The following RYR2 variants were observed in gnomAD, a reference collection of about 807,000 sequenced individuals.
RYR2 encodes the protein cardiac muscle ryanodine receptor-calcium release channel.
RYR2 carries 227 observed loss-of-function variants against 601.1 expected under a neutral mutation model. That is an observed-to-expected ratio of 0.38 (90% CI 0.34 to 0.42). The LOEUF (loss-of-function observed/expected upper bound fraction) is 0.42. Among genes scored for constraint, RYR2 ranks in the 10% least tolerant of loss-of-function variants. The pLI is 1.00. For missense variants in RYR2, 4,646 were observed against 6,156.5 expected, an observed-to-expected ratio of 0.75 and a Z score of 8.21; for synonymous variants, 2,223 against 2,175.1, an observed-to-expected ratio of 1.02 and a Z score of -0.61.
At chr1:237,216,315 T>C (rs915133210) in intron 1 of RYR2, among the ~76,000 whole-genome samples, 4 of 152,216 alleles carry the variant, frequency 2.6e-5, no homozygotes, top group African/African-American at 9.6e-5. Flanking sequence ...CCCTTGAATA[T>C]TGAGTTTGAA....
chr1:237,807,169 A>C (rs906760756), intron 99 of RYR2, among the ~76,000 whole-genome samples: 2 of 152,166 alleles, frequency 1.3e-5, no homozygotes, highest in Non-Finnish European at 2.9e-5. Flanking sequence ...CGTGCACGGC[A>C]AGTCATGGGT....
intron 1 of RYR2, among the ~76,000 whole-genome samples, chr1:237,099,132 TATCAGCATACATATAACATTTAAGTTAA>T (rs1667805014): frequency 3.3e-5 from 5 of 151,566 alleles, no homozygotes; most frequent in African/African-American, 1.2e-4. Context: ...GGAAATTCAA[TATCAGCATACATATAACATTTAAGTTAA>T]TTCAGCCCAG....
At chr1:237,794,068 C>T in intron 95 of RYR2, 71 bp downstream of exon 95, 1 of 1,378,356 alleles carries the variant, frequency 7.3e-7, no homozygotes, top group Non-Finnish European at 1.0e-6. Flanking sequence ...GTTGGAGTTC[C>T]TGCAGATTTG....
chr1:237,545,198 A>AT (rs1474089144), intron 25 of RYR2, among the ~76,000 whole-genome samples: 1 of 152,260 alleles, frequency 6.6e-6, no homozygotes, highest in African/African-American at 2.4e-5. Context: ...TCTAGAAGAA[A>AT]TCTGTATGGG....
intron 1 of RYR2, among the ~76,000 whole-genome samples, chr1:237,110,157 ACTTGAGTGTGCATCTGAATCCC>A (rs1669293929): frequency 6.6e-6 from 1 of 151,882 alleles, no homozygotes; most frequent in African/African-American, 2.4e-5. Context: ...AAGTTCTTAA[ACTTGAGTGTGCATCTGAATCCC>A]CTGGAAAGCT....
chr1:237,568,526 T>C lies in RYR2; in HGVS notation c.3424-619T>C, dbSNP rs191260877. Among the ~76,000 whole-genome samples, 8 of 152,364 alleles carry C rather than the reference T, an allele frequency of 5.3e-5. No homozygotes were observed. The East Asian group carries it at 1.5e-3, about 29-fold the overall frequency. On this transcript the variant is annotated intron_variant, in intron 28 of 104. Coordinates refer to ENST00000366574, the MANE Select transcript of RYR2 (RefSeq NM_001035.3). ...ATATATAAAAAGGTTGGCATCTATA[T>C]TCAATTTTTGGCTTGTTACTTCAGC...
At position 237,571,730 on chromosome 1, in the gene RYR2, C is replaced by A. The variant is rs538334577; in HGVS notation, c.3598+2411C>A. Among the ~76,000 whole-genome samples, 13 of 152,306 alleles carry A rather than the reference C, an allele frequency of 8.5e-5. No individual in the cohort carries two copies. The South Asian group carries it at 2.7e-3, about 32-fold the overall frequency. On this transcript the variant is annotated intron_variant, in intron 29 of 104. Coordinates refer to ENST00000366574, the MANE Select transcript of RYR2 (RefSeq NM_001035.3). The stretch of plus-strand genomic sequence containing the variant: ...CTAGCTTTTGAGCAGGTATGAACAT[C>A]ATTTCCCTAACACAGATTTGCAAAG...
chr1:237,210,865 T>A (rs1420278811), intron 1 of RYR2, among the ~76,000 whole-genome samples: 1 of 152,224 alleles, frequency 6.6e-6, no homozygotes. Context: ...GATACCTACT[T>A]AATTGGTATT....
chr1:237,120,060 G>C (rs1048518990), intron 1 of RYR2, among the ~76,000 whole-genome samples: 4 of 152,194 alleles, frequency 2.6e-5, no homozygotes, highest in Non-Finnish European at 2.9e-5. Flanking sequence ...TCTGGAGTCA[G>C]ACCACTGGGT....
intron 1 of RYR2, among the ~76,000 whole-genome samples, chr1:237,047,634 G>T (rs2148113538): frequency 6.6e-6 from 1 of 152,054 alleles, no homozygotes; most frequent in East Asian, 1.9e-4. Flanking sequence ...ACGTCTAAAT[G>T]TCCCTCTCTG....
chr1:237,383,414 CTTGTTTTTTTTTT>C (rs1701701871), intron 8 of RYR2, among the ~76,000 whole-genome samples: 2 of 64,782 alleles, frequency 3.1e-5, no homozygotes, highest in Non-Finnish European at 3.4e-5. Flanking sequence ...TTTCTTTTTT[CTTGTTTTTTTTTT>C]TTTTTTTTTT....
intron 29 of RYR2, among the ~76,000 whole-genome samples, chr1:237,577,905 C>A (rs1028783899): frequency 6.6e-6 from 1 of 152,144 alleles, no homozygotes; most frequent in Non-Finnish European, 1.5e-5. Flanking sequence ...CGGGTTCAAG[C>A]AATTCTCCTC....
intron 66 of RYR2, among the ~76,000 whole-genome samples, chr1:237,703,796 A>G (rs900235557): frequency 6.6e-6 from 1 of 151,710 alleles, no homozygotes; most frequent in Non-Finnish European, 1.5e-5. Flanking sequence ...AGAATTTCAA[A>G]CATTTATCCT....
At chr1:237,694,307 A>G (rs561080746) in intron 63 of RYR2, among the ~76,000 whole-genome samples, 2 of 151,984 alleles carry the variant, frequency 1.3e-5, no homozygotes, top group African/African-American at 2.4e-5. Flanking sequence ...AAAAAAAAAA[A>G]AAAGAAAAAT....
intron 12 of RYR2, among the ~76,000 whole-genome samples, chr1:237,440,045 A>G (rs186776909): frequency 9.3e-4 from 141 of 152,330 alleles, no homozygotes; most frequent in African/African-American, 3.1e-3. Flanking sequence ...ATAATGATTG[A>G]ATCAACTTAA....
chr1:237,094,128 C>T (rs750664554), intron 1 of RYR2, among the ~76,000 whole-genome samples: 2 of 152,218 alleles, frequency 1.3e-5, no homozygotes, highest in Non-Finnish European at 2.9e-5. Flanking sequence ...TGCACAGATA[C>T]ATCTGGCTTT....
intron 2 of RYR2, among the ~76,000 whole-genome samples, chr1:237,291,937 T>C (rs560793232): frequency 6.6e-6 from 1 of 152,316 alleles, no homozygotes; most frequent in African/African-American, 2.4e-5. Flanking sequence ...GATACCTGAA[T>C]GTAGGTTTGA....
At position 237,711,455 on chromosome 1, in the gene RYR2, G is replaced by A. The variant is rs569455736; in HGVS notation, c.10231-290G>A. Among the ~76,000 whole-genome samples, 5 of 152,220 alleles carry A rather than the reference G, an allele frequency of 3.3e-5. No individual in the cohort carries two copies. The South Asian group carries it at 6.2e-4, about 19-fold the overall frequency. On this transcript the variant is annotated intron_variant, in intron 70 of 104. Coordinates refer to ENST00000366574, the MANE Select transcript of RYR2 (RefSeq NM_001035.3). ...TATGCCTTTCACCAGCTAACCAGGCGTTTGAATATTCATTCTACTCCTTGG... is the reference window on the plus strand; with the variant it reads ...TATGCCTTTCACCAGCTAACCAGGCATTTGAATATTCATTCTACTCCTTGG...
intron 24 of RYR2, among the ~76,000 whole-genome samples, chr1:237,517,628 C>G (rs530662358): frequency 4.3e-4 from 65 of 149,606 alleles, no homozygotes; most frequent in Admixed American, 1.2e-3. Flanking sequence ...AAGCCAGGAA[C>G]TATAATTAAA....
Sources: allele counts gnomAD v4.1 joint callset (sites outside exome capture counted in the v4.1 genomes callset), GRCh38; gene constraint gnomAD v4.1.1; transcripts MANE v1.5; gene names NCBI Gene and HGNC (gene_info 2026-07-23, HGNC 2026-07-21).